The following MTUS2 variants were observed in gnomAD, a reference collection of about 807,000 sequenced individuals.
MTUS2 encodes the protein microtubule-associated tumor suppressor candidate 2.
In MTUS2, 40 loss-of-function variants were observed where a neutral mutation model predicts 114.1. The observed-to-expected ratio is 0.35, with a 90% CI of 0.27 to 0.46. The LOEUF (loss-of-function observed/expected upper bound fraction) is 0.46, where lower values mean the gene tolerates loss of function less well. MTUS2 is among the 20% of genes least tolerant of loss of function. The pLI is 1.00. For missense variants in MTUS2, 1,679 were observed against 1,705.4 expected (o/e 0.98, Z 0.27); for synonymous variants, 688 against 672.0 (o/e 1.02, Z -0.37).
At chr13:29,051,973 T>G (rs755587076) in intron 4 of MTUS2, among the ~76,000 whole-genome samples, 1 of 152,218 alleles carries the variant, frequency 6.6e-6, no homozygotes, top group Non-Finnish European at 1.5e-5. Flanking sequence ...AACAATAATT[T>G]GACAACACTC....
At chr13:28,903,147 T>C (rs1311488051) in intron 2 of MTUS2, among the ~76,000 whole-genome samples, 1 of 152,178 alleles carries the variant, frequency 6.6e-6, no homozygotes, top group Non-Finnish European at 1.5e-5. Context: ...TTTAGAAATA[T>C]ATTATTTTAG....
intron 2 of MTUS2, among the ~76,000 whole-genome samples, chr13:29,010,571 G>A (rs1337925130): frequency 6.6e-6 from 1 of 151,978 alleles, no homozygotes; most frequent in African/African-American, 2.4e-5. Context: ...CTTTGGGGTT[G>A]AGAAGGCCGC....
intron 7 of MTUS2, among the ~76,000 whole-genome samples, chr13:29,350,981 A>ATATATATATATATATATATC (rs1566147450): frequency 5.2e-5 from 6 of 115,120 alleles, no homozygotes; most frequent in Admixed American, 1.9e-4. Context: ...ATATATATAT[A>ATATATATATATATATATATC]TATCTTCAGA....
chr13:29,190,355 G>A (rs1013153981), intron 5 of MTUS2, among the ~76,000 whole-genome samples: 1 of 152,200 alleles, frequency 6.6e-6, no homozygotes, highest in African/African-American at 2.4e-5. Context: ...CTCTGATTGA[G>A]ATGGGAAACT....
At chr13:28,948,305 C>G (rs762651748) in intron 2 of MTUS2, among the ~76,000 whole-genome samples, 59 of 152,052 alleles carry the variant, frequency 3.9e-4, no homozygotes, top group Non-Finnish European at 7.8e-4. Context: ...CCTAAATCAC[C>G]TACATAATTT....
chr13:29,360,270 G>A, intron 8 of MTUS2, among the ~76,000 whole-genome samples: 1 of 152,168 alleles, frequency 6.6e-6, no homozygotes, highest in Non-Finnish European at 1.5e-5. Flanking sequence ...TAAAAGTGCT[G>A]TATAAATGCT....
chr13:29,384,173 A>C (rs920023729), intron 8 of MTUS2, among the ~76,000 whole-genome samples: 1 of 152,234 alleles, frequency 6.6e-6, no homozygotes, highest in African/African-American at 2.4e-5. Context: ...ATAAGGGGAA[A>C]TATTACAGCC....
chr13:29,366,189 A>G (rs1216780480), intron 8 of MTUS2, among the ~76,000 whole-genome samples: 4 of 152,232 alleles, frequency 2.6e-5, no homozygotes, highest in Non-Finnish European at 5.9e-5. Flanking sequence ...AAGAGGTTTA[A>G]TGAACTCACA....
Position 29,025,330 on chromosome 13 carries a change from G to C in MTUS2, c.632G>C (p.Gly211Ala). 1 of 1,613,818 alleles carries C rather than the reference G, an allele frequency of 6.2e-7. No homozygotes were observed. Among genetic ancestry groups the C allele is most frequent in the Non-Finnish European group, 8.5e-7 (1 of 1,179,870 alleles). ...DSREARGQIPGGGEGPQKTLP... is the reference protein window; with the variant it reads ...DSREARGQIPAGGEGPQKTLP... Reference sequence around the variant, plus strand: ...CGGGAAGCACGGGGTCAGATACCTGGGGGTGGGGAGGGGCCACAGAAGACA... The same window carrying C: ...CGGGAAGCACGGGGTCAGATACCTGCGGGTGGGGAGGGGCCACAGAAGACA... Residue 211 changes from glycine (G) to alanine (A), a missense_variant, in exon 3 of 16, where the codon GGG (glycine) becomes GCG (alanine). By Grantham distance (60) the Gly-to-Ala change is moderately conservative. Transcript: ENST00000612955.
rs1366542420 is a variant in MTUS2, at chr13:28,946,645, TCAAA to T, written c.-242-77808_-242-77805del. Among the ~76,000 whole-genome samples, 131 of 152,332 alleles carry T rather than the reference TCAAA, an allele frequency of 8.6e-4. 2 individuals carry two copies. ...CTTTAAAGAATAATTAGTAATTTTC[TCAAA>T]CAATTTGAAATTCAGATATCACTTA... On this transcript the variant is annotated intron_variant, in intron 2 of 15. Coordinates refer to ENST00000612955, the MANE Select transcript of MTUS2 (RefSeq NM_001033602.4).
At chr13:28,926,063 CA>C (rs1881311342) in intron 2 of MTUS2, among the ~76,000 whole-genome samples, 1 of 152,188 alleles carries the variant, frequency 6.6e-6, no homozygotes, top group Admixed American at 6.5e-5. Context: ...CTCTTCTGAT[CA>C]CCCCCTCTTC....
At chr13:29,227,800 GC>G (rs1183354438) in intron 5 of MTUS2, among the ~76,000 whole-genome samples, 1 of 152,154 alleles carries the variant, frequency 6.6e-6, no homozygotes, top group Non-Finnish European at 1.5e-5. Context: ...GCAATCTAGG[GC>G]CTCTCAAACT....
intron 6 of MTUS2, among the ~76,000 whole-genome samples, chr13:29,288,193 T>C (rs1376736633): frequency 6.6e-6 from 1 of 152,218 alleles, no homozygotes; most frequent in Non-Finnish European, 1.5e-5. Flanking sequence ...GTTGGAGATT[T>C]CCATGTGGAA....
intron 2 of MTUS2, among the ~76,000 whole-genome samples, chr13:28,884,507 T>C (rs1878473191): frequency 6.6e-6 from 1 of 152,290 alleles, no homozygotes; most frequent in East Asian, 1.9e-4. Flanking sequence ...CACTGAACTG[T>C]ACACTTAAAA....
At chr13:29,449,371 G>A (rs1878523386) in intron 9 of MTUS2, among the ~76,000 whole-genome samples, 1 of 152,138 alleles carries the variant, frequency 6.6e-6, no homozygotes, top group Non-Finnish European at 1.5e-5. Flanking sequence ...AGGTATTTGT[G>A]AGATGATTTA....
At chr13:28,889,661 G>A (rs929431514) in intron 2 of MTUS2, among the ~76,000 whole-genome samples, 1 of 151,916 alleles carries the variant, frequency 6.6e-6, no homozygotes, top group Non-Finnish European at 1.5e-5. Context: ...TTTCCTCTTA[G>A]AAGGTAGCCA....
At chr13:28,992,442 C>G (rs1050665600) in intron 2 of MTUS2, among the ~76,000 whole-genome samples, 2 of 152,290 alleles carry the variant, frequency 1.3e-5, no homozygotes, top group Admixed American at 6.5e-5. Context: ...TCTGAGCAGC[C>G]TTTTCCAGCT....
chr13:29,404,427 A>G (rs1874601687), intron 8 of MTUS2, among the ~76,000 whole-genome samples: 1 of 152,188 alleles, frequency 6.6e-6, no homozygotes, highest in South Asian at 2.1e-4. Context: ...AGGCTGAGGC[A>G]GGAAAATGGC....
At chr13:29,079,269 G>A (rs965505720) in intron 4 of MTUS2, among the ~76,000 whole-genome samples, 2 of 151,862 alleles carry the variant, frequency 1.3e-5, no homozygotes, top group East Asian at 1.9e-4. Context: ...TTTAAAATTT[G>A]GTTATTTTTC....
Sources: allele counts gnomAD v4.1 joint callset (sites outside exome capture counted in the v4.1 genomes callset), GRCh38; gene constraint gnomAD v4.1.1; transcripts MANE v1.5; gene names NCBI Gene and HGNC (gene_info 2026-07-23, HGNC 2026-07-21).